The following INPP4B variants were observed in gnomAD, a reference collection of about 807,000 sequenced individuals.
INPP4B encodes inositol polyphosphate-4-phosphatase type II B.
A neutral mutation model predicts 122.5 loss-of-function variants in INPP4B; 55 were observed. The observed-to-expected ratio is 0.45, with a 90% confidence interval of 0.36 to 0.56. The LOEUF is 0.56. INPP4B is among the 20% of genes least tolerant of loss of function. The pLI is 0.00. For synonymous variants in INPP4B, 403 were observed against 388.7 expected (o/e 1.04, Z -0.43); for missense variants, 1,000 against 1,097.7 (o/e 0.91, Z 1.26).
intron 1 of INPP4B, among the ~76,000 whole-genome samples, chr4:142,767,162 G>A (rs1772275258): frequency 6.6e-6 from 1 of 152,094 alleles, no homozygotes; most frequent in Non-Finnish European, 1.5e-5. Context: ...TTTGAAAGTG[G>A]GAAGTTACAA....
Position 142,028,393 on chromosome 4 carries a change from T to C in INPP4B, c.*389A>G, listed in dbSNP as rs1028834523. The C allele has an allele frequency of 1.7e-5, 4 of 238,762 alleles. No individual in the cohort carries two copies. The Admixed American group carries it at 2.2e-4, about 13-fold the overall frequency. 14.8% of individuals were successfully genotyped at this position (238,762 alleles called of 1,614,324 possible). On this transcript the variant is annotated 3_prime_UTR_variant, in exon 26 of 26. Coordinates refer to ENST00000262992, the MANE Select transcript of INPP4B (RefSeq NM_001101669.3). ...TATCACAAAAAAAATATGTTCCTTT[T>C]CCCCCTCTCCTCTCTTCCATTTGGT...
chr4:142,056,752 A>G (rs1475206092), intron 25 of INPP4B, among the ~76,000 whole-genome samples: 1 of 152,170 alleles, frequency 6.6e-6, no homozygotes, highest in Non-Finnish European at 1.5e-5. Context: ...TGGAAAATCT[A>G]AATCTACAAA....
At chr4:142,193,003 A>G (rs948472887) in intron 15 of INPP4B, 84 bp downstream of exon 15, 1 of 788,038 alleles carries the variant, frequency 1.3e-6, no homozygotes, top group Non-Finnish European at 2.2e-6. Flanking sequence ...ATACATTGTG[A>G]TGGACCAATC....
chr4:142,798,399 GA>G (rs1417218338), intron 1 of INPP4B, among the ~76,000 whole-genome samples: 2 of 151,812 alleles, frequency 1.3e-5, no homozygotes, highest in African/African-American at 2.4e-5. Context: ...GTTAAAGCAT[GA>G]AAAAACTTAT....
At chr4:142,237,737 C>T (rs147966935) in intron 12 of INPP4B, 127 bp downstream of exon 12, 90 of 496,230 alleles carry the variant, frequency 1.8e-4, no homozygotes, top group African/African-American at 1.4e-3. Context: ...TTAACTGGCT[C>T]GGTTTAGCTA....
intron 7 of INPP4B, among the ~76,000 whole-genome samples, chr4:142,367,002 A>G (rs1399923768): frequency 6.6e-6 from 1 of 152,156 alleles, no homozygotes. Flanking sequence ...GAATGTGATC[A>G]GTACTGCTCA....
intron 2 of INPP4B, among the ~76,000 whole-genome samples, chr4:142,509,809 C>A (rs1369347076): frequency 6.6e-6 from 1 of 152,150 alleles, no homozygotes. Context: ...ATGGCCCCTG[C>A]CTCTTAGCAT....
At chr4:142,300,394 GT>G (rs1760896797) in intron 9 of INPP4B, among the ~76,000 whole-genome samples, 1 of 152,048 alleles carries the variant, frequency 6.6e-6, no homozygotes, top group Non-Finnish European at 1.5e-5. Flanking sequence ...TGTTGTTGTT[GT>G]TCTTTTATTT....
intron 7 of INPP4B, among the ~76,000 whole-genome samples, chr4:142,336,062 T>G (rs1263876940): frequency 6.6e-6 from 1 of 152,194 alleles, no homozygotes; most frequent in Non-Finnish European, 1.5e-5. Flanking sequence ...AACCCCAGAC[T>G]CAGCTACCCA....
At position 142,038,550 on chromosome 4, in the gene INPP4B, T is replaced by G. The variant is rs1745365373; in HGVS notation, c.2643-9636A>C. On this transcript the variant is annotated intron_variant, in intron 25 of 25. Coordinates refer to ENST00000262992, the MANE Select transcript of INPP4B (RefSeq NM_001101669.3). ...GTGAGTTCTACCCACATGTGTACTT[T>G]TCTTGACATGGTATTCTAAGGGAAG... Among the ~76,000 whole-genome samples, 4 of 152,294 alleles carry G rather than the reference T, an allele frequency of 2.6e-5. No homozygotes were observed. In the South Asian group the frequency reaches 8.3e-4, roughly 32 times the overall value.
chr4:142,531,654 G>A (rs926742922), intron 2 of INPP4B, among the ~76,000 whole-genome samples: 5 of 151,992 alleles, frequency 3.3e-5, no homozygotes, highest in African/African-American at 1.2e-4. Flanking sequence ...TCTCTGAATG[G>A]AATAAAATTT....
intron 23 of INPP4B, among the ~76,000 whole-genome samples, chr4:142,098,236 G>C (rs777074249): frequency 8.6e-5 from 13 of 152,022 alleles, no homozygotes; most frequent in Admixed American, 1.3e-4. Context: ...GCAGAGTGAG[G>C]TAAGTGTGAG....
intron 18 of INPP4B, among the ~76,000 whole-genome samples, chr4:142,141,616 G>T (rs1579055871): frequency 6.6e-6 from 1 of 152,112 alleles, no homozygotes; most frequent in African/African-American, 2.4e-5. Flanking sequence ...ACCCTAAAAA[G>T]AAATTTATAA....
chr4:142,727,387 G>A (rs1010061368), intron 1 of INPP4B, among the ~76,000 whole-genome samples: 2 of 152,122 alleles, frequency 1.3e-5, no homozygotes, highest in South Asian at 4.1e-4. Context: ...GCAAGCCAAC[G>A]TCTGTGGCAG....
chr4:142,072,300 C>T (rs1484812326), intron 25 of INPP4B, among the ~76,000 whole-genome samples: 1 of 151,088 alleles, frequency 6.6e-6, no homozygotes, highest in Admixed American at 6.6e-5. Flanking sequence ...AACACTTGGA[C>T]ACAGGGTGGG....
chr4:142,501,171 A>AGGTC, intron 2 of INPP4B, among the ~76,000 whole-genome samples: 1 of 152,176 alleles, frequency 6.6e-6, no homozygotes, highest in Non-Finnish European at 1.5e-5. Flanking sequence ...AACCTCTACT[A>AGGTC]ATGTTCACTA....
chr4:142,580,883 A>C (rs1159625997), intron 2 of INPP4B, among the ~76,000 whole-genome samples: 1 of 152,054 alleles, frequency 6.6e-6, no homozygotes, highest in Non-Finnish European at 1.5e-5. Flanking sequence ...GGCTTGATAC[A>C]TGCATTGTTA....
chr4:142,837,809 C>A (rs1251023981), intron 1 of INPP4B, among the ~76,000 whole-genome samples: 4 of 152,050 alleles, frequency 2.6e-5, no homozygotes, highest in African/African-American at 7.2e-5. Context: ...TCCAGCATAT[C>A]ACATTTAGGA....
At position 142,431,240 on chromosome 4, in the gene INPP4B, C is replaced by G. The variant is rs1322547312; in HGVS notation, c.20G>C (p.Gly7Ala). 1 of 1,613,032 alleles carries G rather than the reference C, an allele frequency of 6.2e-7. No homozygotes were observed. Among genetic ancestry groups the G allele is most frequent in the African/African-American group, 1.3e-5 (1 of 74,858 alleles). ...AAAGTGCTGCCCTTCTTCTGATGCC[C>G]CTTCCTCTTTAATTTCCATGATCAA... MEIKEEGASEEGQHFLP... is the reference protein window; with the variant it reads MEIKEEAASEEGQHFLP... Residue 7 changes from glycine to alanine, a missense_variant, in exon 4 of 26, where the codon GGG becomes GCG. By Grantham distance (60) the Gly-to-Ala change is moderately conservative. Transcript: ENST00000262992.
Sources: allele counts gnomAD v4.1 joint callset (sites outside exome capture counted in the v4.1 genomes callset), GRCh38; gene constraint gnomAD v4.1.1; transcripts MANE v1.5; gene names NCBI Gene and HGNC (gene_info 2026-07-23, HGNC 2026-07-21).